Variants in APOBEC3D observed in about 807,000 individuals in gnomAD.
The protein encoded by APOBEC3D is apolipoprotein B mRNA editing enzyme catalytic subunit 3D.
APOBEC3D carries 37 observed loss-of-function variants against 45.6 expected under a neutral mutation model. The ratio of observed to expected loss-of-function variants is 0.81; its 90% CI spans 0.62 to 1.07. The LOEUF (loss-of-function observed/expected upper bound fraction) is 1.07, where lower values mean the gene tolerates loss of function less well. APOBEC3D is among the 50% of genes least tolerant of loss of function. The pLI is 0.00. For missense variants in APOBEC3D, 496 were observed against 495.3 expected (o/e 1.00, Z -0.01); for synonymous variants, 175 against 180.7 (o/e 0.97, Z 0.25).
intron 4 of APOBEC3D, among the ~76,000 whole-genome samples, chr22:39,028,151 G>A (rs1359131042): frequency 6.6e-6 from 1 of 152,196 alleles, no homozygotes; most frequent in African/African-American, 2.4e-5. Context: ...TGTGAGCAGA[G>A]TAGGATGCAC....
At position 39,022,966 on chromosome 22, in the gene APOBEC3D, C is replaced by T; in HGVS notation, c.162C>T (p.Val54=). The T allele has an allele frequency of 6.2e-7, 1 of 1,613,688 alleles. No homozygotes were observed. Among genetic ancestry groups the T allele is most frequent in the Non-Finnish European group, 8.5e-7 (1 of 1,179,846 alleles). Reference sequence around the variant, plus strand: ...CAAATCTCCTTTGGGACACAGGGGTCTTTCGAGGCCCGGTACTACCCAAAC... The same window carrying T: ...CAAATCTCCTTTGGGACACAGGGGTTTTTCGAGGCCCGGTACTACCCAAAC... The part of the protein sequence containing the change: ...GRSNLLWDTG[V]FRGPVLPKRQ... Residue 54 remains valine (V), a synonymous_variant, in exon 2 of 7, where the codon GTC becomes GTT. Transcript: ENST00000216099.
chr22:39,032,128 G>A lies in APOBEC3D; in HGVS notation c.1043-70G>A, dbSNP rs1926285811. 6 of 1,591,646 alleles carry A rather than the reference G, an allele frequency of 3.8e-6. No individual in the cohort carries two copies. The Admixed American group carries it at 5.2e-5, about 14-fold the overall frequency. ...CTGGCAGCCAGGAGACCTGGCTTGG[G>A]AGGGGAGGGCCCAGGGCCGGGAGAG... On this transcript the variant is annotated intron_variant, in intron 6 of 6. Transcript: ENST00000216099.
At position 39,032,273 on chromosome 22, in the gene APOBEC3D, A is replaced by G. The variant is rs761597396; in HGVS notation, c.1118A>G (p.Asn373Ser). 1 of 1,614,174 alleles carries G rather than the reference A, an allele frequency of 6.2e-7. No homozygotes were observed. The highest frequency in any genetic ancestry group is 1.1e-5 in the South Asian group (1 of 91,086). ...PFKPWKGLQT[N>S]FRLLKRRLRE... ...AAGCCTTGGAAGGGACTACAAACCA[A>G]CTTTCGACTTCTGAAAAGAAGGCTA... Residue 373 changes from asparagine (N) to serine (S), a missense_variant, in exon 7 of 7, where the codon AAC becomes AGC. Coordinates refer to ENST00000216099, the MANE Select transcript of APOBEC3D (RefSeq NM_152426.4).
chr22:39,024,234 C>G (rs778218639), intron 2 of APOBEC3D, among the ~76,000 whole-genome samples: 1 of 152,144 alleles, frequency 6.6e-6, no homozygotes, highest in African/African-American at 2.4e-5. Context: ...TTTGATGTGC[C>G]GAGGTCTCTC....
intron 4 of APOBEC3D, among the ~76,000 whole-genome samples, chr22:39,026,778 C>T (rs1236529686): frequency 1.3e-5 from 2 of 150,360 alleles, no homozygotes; most frequent in African/African-American, 5.0e-5. Context: ...TTTGAGACAG[C>T]GTCTCCCTCT....
Position 39,025,239 on chromosome 22 carries a change from C to T in APOBEC3D, c.380C>T (p.Thr127Ile). ...TKFLAEHPNV[T>I]LTISAARLYY... ...TTCTTGGCTGAGCACCCCAATGTCACCCTGACCATCTCTGCCGCCCGCCTC... is the reference window on the plus strand; with the variant it reads ...TTCTTGGCTGAGCACCCCAATGTCATCCTGACCATCTCTGCCGCCCGCCTC... Residue 127 changes from threonine to isoleucine, a missense_variant, in exon 3 of 7, where the codon ACC (threonine) becomes ATC (isoleucine). Coordinates refer to ENST00000216099, the MANE Select transcript of APOBEC3D (RefSeq NM_152426.4). 6.2e-7 allele frequency: 1 copy of T among 1,614,094 alleles called. No homozygotes were observed. Among genetic ancestry groups the T allele is most frequent in the African/African-American group, 1.3e-5 (1 of 74,992 alleles).
chr22:39,030,467 G>T lies in APOBEC3D; in HGVS notation c.762+948G>T, dbSNP rs73887532. ...CACGCTAAAAAGGCGATAAGAACTC[G>T]TGGAAGAAATTTTAGTGTCTGCATT... On this transcript the variant is annotated intron_variant, in intron 5 of 6. Coordinates refer to ENST00000216099, the MANE Select transcript of APOBEC3D (RefSeq NM_152426.4). 9.9e-5 allele frequency among the ~76,000 whole-genome samples: 15 copies of T among 152,254 alleles called. No homozygotes were observed. In the South Asian group the frequency reaches 3.1e-3, roughly 32 times the overall value.
chr22:39,029,641 CTTTTTT>C lies in APOBEC3D; in HGVS notation c.762+131_762+136del. On this transcript the variant is annotated intron_variant, in intron 5 of 6. Coordinates refer to ENST00000216099, the MANE Select transcript of APOBEC3D (RefSeq NM_152426.4). ...GTGTACTTTCCTCTTACATTTCTTT[CTTTTTT>C]TTTTTTTTAAGACAGAGTCTCCCTC... The C allele has an allele frequency of 5.3e-6, 5 of 950,612 alleles. 1 individual carries two copies. In the South Asian group the frequency reaches 1.1e-4, roughly 21 times the overall value. 58.9% of individuals were successfully genotyped at this position (950,612 alleles called of 1,614,324 possible). A position where few individuals can be genotyped will look rare whatever the true frequency, so the allele number is the denominator to read the frequency against.
At chr22:39,029,632 CATTTCTTTCTTTTTTTTTTTT>C in intron 5 of APOBEC3D, 113 bp downstream of exon 5, 2 of 1,170,446 alleles carry the variant, frequency 1.7e-6, no homozygotes, top group Non-Finnish European at 2.3e-6. Context: ...TTTCCTCTTA[CATTTCTTTCTTTTTTTTTTTT>C]TTAAGACAGA....
At position 39,025,137 on chromosome 22, in the gene APOBEC3D, C is replaced by T; in HGVS notation, c.278C>T (p.Pro93Leu). Reference protein sequence around the residue: ...FLSWFCGNRLPANRRFQITWF... With the variant: ...FLSWFCGNRLLANRRFQITWF... ...TCTTGGTTCTGTGGCAACCGACTGC[C>T]TGCTAACAGGCGCTTCCAGATCACC... Residue 93 changes from proline (P) to leucine (L), a missense_variant, in exon 3 of 7, where the codon CCT becomes CTT. Pro to Leu is a moderately conservative substitution (Grantham distance 98, BLOSUM62 -3). Transcript: ENST00000216099. The T allele has an allele frequency of 6.2e-7, 1 of 1,613,408 alleles. No individual in the cohort carries two copies. Among genetic ancestry groups the T allele is most frequent in the Non-Finnish European group, 8.5e-7 (1 of 1,179,468 alleles).
intron 2 of APOBEC3D, 67 bp from the exon 3 acceptor site, chr22:39,025,003 C>CCA: frequency 1.5e-6 from 1 of 670,554 alleles, no homozygotes; most frequent in Non-Finnish European, 2.4e-6. Flanking sequence ...CCTCCTCCCC[C>CCA]TGCCCCACCC....
chr22:39,021,244 AT>A lies in APOBEC3D; in HGVS notation c.-274del, dbSNP rs1448561479. The A allele has an allele frequency of 5.1e-6, 2 of 395,050 alleles. No homozygotes were observed. Among genetic ancestry groups the A allele is most frequent in the Non-Finnish European group, 9.6e-6 (2 of 207,490 alleles). 24.5% of individuals were successfully genotyped at this position (395,050 alleles called of 1,614,324 possible). On this transcript the variant is annotated 5_prime_UTR_variant, in exon 1 of 7. Transcript: ENST00000216099. ...TGCCTCAGCCTCCAGAGTAGCTGGG[AT>A]TACAGGCGCACGTCACCACACCTGG...
At chr22:39,024,893 C>T (rs1056594790) in intron 2 of APOBEC3D, among the ~76,000 whole-genome samples, 177 bp from the exon 3 acceptor site, 6 of 152,160 alleles carry the variant, frequency 3.9e-5, no homozygotes, top group African/African-American at 1.4e-4. Flanking sequence ...TAGCAATTAA[C>T]ACTGAAGGTC....
At position 39,029,419 on chromosome 22, in the gene APOBEC3D, T is replaced by C; in HGVS notation, c.662T>C (p.Leu221Pro). ...HIFYFHFKNLLKACGRNESWL... is the reference protein window; with the variant it reads ...HIFYFHFKNLPKACGRNESWL... The stretch of plus-strand genomic sequence containing the variant: ...TTCTACTTCCACTTTAAAAACCTAC[T>C]GAAAGCCTGTGGTCGGAACGAAAGC... Residue 221 changes from leucine to proline, a missense_variant, in exon 5 of 7, where the codon CTG becomes CCG. Physicochemically the swap from Leu to Pro is moderately conservative, Grantham distance 98. Coordinates refer to ENST00000216099, the MANE Select transcript of APOBEC3D (RefSeq NM_152426.4). The C allele has an allele frequency of 6.2e-7, 1 of 1,614,188 alleles. No individual in the cohort carries two copies. Among genetic ancestry groups the C allele is most frequent in the Non-Finnish European group, 8.5e-7 (1 of 1,180,036 alleles).
In APOBEC3D at chr22:39,025,147, GCGCTTC is replaced by G; in HGVS notation, c.290_295del (p.Arg97_Phe98del). ...GTGGCAACCGACTGCCTGCTAACAG[GCGCTTC>G]CAGATCACCTGGTTTGTATCATGGA... On this transcript the variant is annotated inframe_deletion, in exon 3 of 7. Coordinates refer to ENST00000216099, the MANE Select transcript of APOBEC3D (RefSeq NM_152426.4). 6.2e-7 allele frequency: 1 copy of G among 1,613,780 alleles called. No individual in the cohort carries two copies. The highest frequency in any genetic ancestry group is 8.5e-7 in the Non-Finnish European group (1 of 1,179,790).
In APOBEC3D at chr22:39,029,373, G is replaced by C. The variant is rs1388989513; in HGVS notation, c.616G>C (p.Glu206Gln). Reference sequence around the variant, plus strand: ...CTCTTGTGCCCTCAGAAACCCGATGGAGGCAATGTACCCACACATATTCTA... The same window carrying C: ...CTCTTGTGCCCTCAGAAACCCGATGCAGGCAATGTACCCACACATATTCTA... ...TLKEILRNPM[E>Q]AMYPHIFYFH... is the part of the protein sequence containing the mutation. The change falls in exon 5 of 7, where the codon GAG (glutamate) becomes CAG (glutamine). Residue 206 changes from glutamate (E) to glutamine (Q), a missense_variant. Glu to Gln is a conservative substitution (Grantham distance 29, BLOSUM62 2). Transcript: ENST00000216099. 1.2e-6 allele frequency: 2 copies of C among 1,614,140 alleles called. No individual in the cohort carries two copies. Among genetic ancestry groups the C allele is most frequent in the Non-Finnish European group, 1.7e-6 (2 of 1,180,020 alleles).
In APOBEC3D at chr22:39,025,461, T is replaced by C. The variant is rs755830934; in HGVS notation, c.491-96T>C. 14 of 1,613,836 alleles carry C rather than the reference T, an allele frequency of 8.7e-6. No homozygotes were observed. In the South Asian group the frequency reaches 1.4e-4, roughly 16 times the overall value. ...CCAGGGCAGCCTGCAGGGGTGGGGCTGGCACTGATTGCAACTGACAGCCAG... is the reference window on the plus strand; with the variant it reads ...CCAGGGCAGCCTGCAGGGGTGGGGCCGGCACTGATTGCAACTGACAGCCAG... On this transcript the variant is annotated intron_variant, in intron 3 of 6. Coordinates refer to ENST00000216099, the MANE Select transcript of APOBEC3D (RefSeq NM_152426.4).
At chr22:39,030,454 G>A (rs1926102727) in intron 5 of APOBEC3D, among the ~76,000 whole-genome samples, 2 of 152,246 alleles carry the variant, frequency 1.3e-5, no homozygotes, top group Admixed American at 1.3e-4. Context: ...CGCTAAAAAG[G>A]CGATAAGAAC....
At chr22:39,024,144 C>T (rs1370955060) in intron 2 of APOBEC3D, among the ~76,000 whole-genome samples, 2 of 152,252 alleles carry the variant, frequency 1.3e-5, no homozygotes, top group Non-Finnish European at 2.9e-5. Flanking sequence ...TAACATATTA[C>T]TTCAACGCTG....
Sources: allele counts gnomAD v4.1 joint callset (sites outside exome capture counted in the v4.1 genomes callset), GRCh38; gene constraint gnomAD v4.1.1; transcripts MANE v1.5; gene names NCBI Gene and HGNC (gene_info 2026-07-23, HGNC 2026-07-21).